Variants in TRAPPC9 observed in about 807,000 individuals in gnomAD.
TRAPPC9 encodes the protein trafficking protein particle complex subunit 9.
A neutral mutation model predicts 124.0 loss-of-function variants in TRAPPC9; 83 were observed. The observed-to-expected ratio is 0.67, with a 90% confidence interval of 0.56 to 0.80. The LOEUF is 0.80. Among genes scored for constraint, TRAPPC9 ranks in the 30% least tolerant of loss-of-function variants. The probability of loss-of-function intolerance (pLI) is 0.00; values close to 1 mark genes in which losing one functional copy is unlikely to be tolerated. For synonymous variants in TRAPPC9, 638 were observed against 617.5 expected (o/e 1.03, Z -0.49); for missense variants, 1,302 against 1,508.3 (o/e 0.86, Z 2.27).
At position 140,074,065 on chromosome 8, in the gene TRAPPC9, G is replaced by A. The variant is rs150303840; in HGVS notation, c.2557-49986C>T. ...TTCATCCCTCCTGCCACTGCCCAATGCAGGTCTTTACCGTCACAGACAGGA... is the reference window on the plus strand; with the variant it reads ...TTCATCCCTCCTGCCACTGCCCAATACAGGTCTTTACCGTCACAGACAGGA... On this transcript the variant is annotated intron_variant, in intron 17 of 22. Transcript: ENST00000438773. Among the ~76,000 whole-genome samples, 369 of 152,300 alleles carry A rather than the reference G, an allele frequency of 2.4e-3. 3 individuals carry two copies. Among genetic ancestry groups the A allele is most frequent in the African/African-American group, 8.4e-3 (348 of 41,552 alleles).
chr8:139,805,788 T>C (rs1237063440), intron 21 of TRAPPC9, among the ~76,000 whole-genome samples: 6 of 152,028 alleles, frequency 3.9e-5, no homozygotes, highest in Non-Finnish European at 1.5e-5. Flanking sequence ...AGCTATTAAG[T>C]ATAGACGAAA....
intron 19 of TRAPPC9, among the ~76,000 whole-genome samples, chr8:139,912,720 C>T (rs1831832274): frequency 6.6e-6 from 1 of 152,214 alleles, no homozygotes; most frequent in Non-Finnish European, 1.5e-5. Flanking sequence ...GTCTGAATTA[C>T]CCCTGAGGTC....
At chr8:140,052,719 T>C (rs572216594) in intron 17 of TRAPPC9, among the ~76,000 whole-genome samples, 1 of 151,876 alleles carries the variant, frequency 6.6e-6, no homozygotes, top group Admixed American at 6.6e-5. Flanking sequence ...GAAGCAGAGG[T>C]TGCAGTGAGC....
At position 139,956,158 on chromosome 8, in the gene TRAPPC9, G is replaced by GT. The variant is rs201084542; in HGVS notation, c.2810+32567dup. On this transcript the variant is annotated intron_variant, in intron 19 of 22. Coordinates refer to ENST00000438773, the MANE Select transcript of TRAPPC9 (RefSeq NM_001160372.4). The stretch of plus-strand genomic sequence containing the variant: ...TTCACCCTACATGGGATGTTGTTTC[G>GT]TTTTTTTTTTTCTTTTATTTTGAGA... Among the ~76,000 whole-genome samples, 1,138 of 147,468 alleles carry GT rather than the reference G, an allele frequency of 7.7e-3. 4 individuals carry two copies. The highest frequency in any genetic ancestry group is 0.01 in the Non-Finnish European group (687 of 66,488).
chr8:140,181,904 G>A (rs374471329), intron 17 of TRAPPC9, among the ~76,000 whole-genome samples: 2 of 152,012 alleles, frequency 1.3e-5, no homozygotes, highest in Non-Finnish European at 2.9e-5. Context: ...TTTCTACCTG[G>A]GTTGGCTGCT....
chr8:139,880,704 A>C (rs1238772866), intron 21 of TRAPPC9, among the ~76,000 whole-genome samples: 1 of 152,234 alleles, frequency 6.6e-6, no homozygotes, highest in East Asian at 1.9e-4. Context: ...ACTCTTAACT[A>C]GAAAACTTGT....
At chr8:140,052,921 T>C (rs954673820) in intron 17 of TRAPPC9, among the ~76,000 whole-genome samples, 1 of 152,248 alleles carries the variant, frequency 6.6e-6, no homozygotes, top group Admixed American at 6.5e-5. Context: ...CACTCCAGCC[T>C]GAGTGACAAA....
intron 21 of TRAPPC9, among the ~76,000 whole-genome samples, chr8:139,843,496 C>T (rs904144292): frequency 7.9e-5 from 12 of 152,226 alleles, no homozygotes; most frequent in Non-Finnish European, 1.0e-4. Context: ...CCCACGGAAC[C>T]GGTGGACTGG....
chr8:139,814,993 C>A (rs778166534), intron 21 of TRAPPC9, among the ~76,000 whole-genome samples: 11 of 152,206 alleles, frequency 7.2e-5, no homozygotes, highest in Non-Finnish European at 1.6e-4. Context: ...CTCCTTGCTG[C>A]CACCAGTATG....
chr8:139,943,133 G>A (rs940177765), intron 19 of TRAPPC9, among the ~76,000 whole-genome samples: 3 of 152,194 alleles, frequency 2.0e-5, no homozygotes, highest in Non-Finnish European at 2.9e-5. Context: ...GTGGTACGAT[G>A]TCAGCTCACT....
chr8:140,379,552 AAGG>A (rs1342409039), intron 7 of TRAPPC9, among the ~76,000 whole-genome samples: 1 of 152,214 alleles, frequency 6.6e-6, no homozygotes, highest in Non-Finnish European at 1.5e-5. Context: ...TGACACATTT[AAGG>A]TGAAGCAAAC....
chr8:139,906,154 C>T (rs1252736507), intron 20 of TRAPPC9, among the ~76,000 whole-genome samples: 2 of 152,180 alleles, frequency 1.3e-5, no homozygotes, highest in Non-Finnish European at 2.9e-5. Flanking sequence ...AACCCATTAG[C>T]TCATCCGGTC....
intron 8 of TRAPPC9, among the ~76,000 whole-genome samples, chr8:140,368,614 C>T (rs1038474385): frequency 6.6e-5 from 10 of 152,266 alleles, no homozygotes; most frequent in African/African-American, 2.4e-4. Flanking sequence ...CAGTCCAGAG[C>T]AGAAGTGCCC....
chr8:140,419,428 C>CAAAAAAAAAAAAAAAAAAA (rs61155157), intron 5 of TRAPPC9, among the ~76,000 whole-genome samples: 3 of 79,586 alleles, frequency 3.8e-5, no homozygotes, highest in East Asian at 6.1e-4. Context: ...GACTCCGTCT[C>CAAAAAAAAAAAAAAAAAAA]AAAAAAAAAA....
At chr8:140,221,093 AG>A (rs1270027094) in intron 17 of TRAPPC9, among the ~76,000 whole-genome samples, 1 of 152,190 alleles carries the variant, frequency 6.6e-6, no homozygotes, top group Non-Finnish European at 1.5e-5. Flanking sequence ...ACAATTGGGA[AG>A]GGTTGCCAAA....
intron 19 of TRAPPC9, among the ~76,000 whole-genome samples, chr8:139,960,024 G>A (rs560661132): frequency 6.6e-6 from 1 of 152,170 alleles, no homozygotes; most frequent in Admixed American, 6.5e-5. Flanking sequence ...TGCTTGAGCA[G>A]ACACTTTATA....
At chr8:139,995,116 T>C (rs1317853360) in intron 18 of TRAPPC9, among the ~76,000 whole-genome samples, 1 of 152,134 alleles carries the variant, frequency 6.6e-6, no homozygotes, top group Non-Finnish European at 1.5e-5. Flanking sequence ...AAATAAATGT[T>C]AGAAGGTGGA....
intron 17 of TRAPPC9, chr8:140,096,257 G>GT (rs1319054271): frequency 1.7e-4 from 26 of 152,378 alleles, no homozygotes; most frequent in Admixed American, 1.6e-3. Flanking sequence ...AGACAGGGAG[G>GT]TAAGTGGGAG....
At chr8:140,401,821 T>G (rs2069283659) in intron 6 of TRAPPC9, among the ~76,000 whole-genome samples, 1 of 151,942 alleles carries the variant, frequency 6.6e-6, no homozygotes, top group African/African-American at 2.4e-5. Flanking sequence ...AGGCGGGGTT[T>G]TGCCATGTTA....
Sources: allele counts gnomAD v4.1 joint callset (sites outside exome capture counted in the v4.1 genomes callset), GRCh38; gene constraint gnomAD v4.1.1; transcripts MANE v1.5; gene names NCBI Gene and HGNC (gene_info 2026-07-23, HGNC 2026-07-21).